ZFAND4: variants seen among roughly 807,000 people sequenced by gnomAD.
ZFAND4 encodes the protein zinc finger AN1-type containing 4, also known as AN1-type zinc finger protein 4.
Under a neutral mutation model 64.4 loss-of-function variants are expected in ZFAND4, and 43 were observed. That is an observed-to-expected ratio of 0.67 (90% CI 0.52 to 0.86). The LOEUF is 0.86. Ranked by LOEUF, ZFAND4 falls within the 40% of genes least tolerant of loss-of-function variation. The pLI is 0.00. For missense variants in ZFAND4, 929 were observed against 859.8 expected (o/e 1.08, Z -1.01); for synonymous variants, 296 against 305.7 (o/e 0.97, Z 0.33).
At chr10:45,647,134 G>A (rs187840328) in intron 5 of ZFAND4, among the ~76,000 whole-genome samples, 9 of 152,254 alleles carry the variant, frequency 5.9e-5, no homozygotes, top group African/African-American at 9.6e-5. Context: ...GGCAAAGGAC[G>A]TTGCAGATGT....
chr10:45,645,304 G>GTAT lies in ZFAND4; in HGVS notation c.569+2987_569+2989dup, dbSNP rs573074772. Among the ~76,000 whole-genome samples, 4 of 152,232 alleles carry GTAT rather than the reference G, an allele frequency of 2.6e-5. No individual in the cohort carries two copies. The South Asian group carries it at 8.3e-4, about 32-fold the overall frequency. Reference sequence around the variant, plus strand: ...TCTTTAAAGTCTACAGTTATTCATTGTATTATTCATCAGCAGGTATTTCAT... The same window carrying GTAT: ...TCTTTAAAGTCTACAGTTATTCATTGTATTATTATTCATCAGCAGGTATTTCAT... On this transcript the variant is annotated intron_variant, in intron 5 of 9. Transcript: ENST00000344646.
intron 7 of ZFAND4, among the ~76,000 whole-genome samples, chr10:45,625,104 G>A (rs1293424290): frequency 3.3e-5 from 5 of 151,522 alleles, no homozygotes; most frequent in African/African-American, 1.2e-4. Flanking sequence ...TTGAGCCCTG[G>A]AGGTCAAGGC....
intron 6 of ZFAND4, among the ~76,000 whole-genome samples, chr10:45,637,016 A>G (rs1208203292): frequency 2.6e-5 from 4 of 152,012 alleles, no homozygotes; most frequent in Non-Finnish European, 5.9e-5. Flanking sequence ...AAAAAAAAAA[A>G]AAAAGATCTT....
intron 1 of ZFAND4, among the ~76,000 whole-genome samples, chr10:45,669,782 CAT>C (rs1043752278): frequency 2.6e-5 from 4 of 152,210 alleles, no homozygotes; most frequent in Non-Finnish European, 5.9e-5. Flanking sequence ...ACAAAAACCA[CAT>C]GATTATCTTA....
intron 8 of ZFAND4, among the ~76,000 whole-genome samples, chr10:45,624,069 GT>G (rs2045622783): frequency 6.6e-6 from 1 of 152,164 alleles, no homozygotes; most frequent in African/African-American, 2.4e-5. Context: ...TCTTTAATGT[GT>G]TACCATACTG....
chr10:45,631,889 TATC>T (rs145891472), intron 6 of ZFAND4, among the ~76,000 whole-genome samples: 9,074 of 152,194 alleles, frequency 0.06, 387 homozygotes, highest in African/African-American at 0.12. Context: ...CTACAATTAA[TATC>T]ATACATAATG....
chr10:45,633,537 GA>G (rs2046361181), intron 6 of ZFAND4, among the ~76,000 whole-genome samples: 1 of 149,736 alleles, frequency 6.7e-6, no homozygotes, highest in African/African-American at 2.5e-5. Context: ...CTAAAAACAA[GA>G]AAAGAAAAGA....
Position 45,663,620 on chromosome 10 carries a change from T to C in ZFAND4, c.106A>G (p.Thr36Ala), listed in dbSNP as rs779486174. ...ACTCTCAGCTCAAAACATGTTCCAG[T>C]TAATGTTTCAATGAAGAGCTCCATG... ...DTMELFIETLTGTCFELRVSP... is the reference protein window; with the variant it reads ...DTMELFIETLAGTCFELRVSP... Residue 36 changes from threonine (T) to alanine (A), a missense_variant, in exon 2 of 10, where the codon ACT becomes GCT. Physicochemically the swap from Thr to Ala is moderately conservative, Grantham distance 58. Transcript: ENST00000344646. 22 of 1,611,302 alleles carry C rather than the reference T, an allele frequency of 1.4e-5. 1 individual carries two copies. The highest frequency in any genetic ancestry group is 3.3e-4 in the Middle Eastern group (2 of 6,028).
chr10:45,617,932 C>T (rs915540449), intron 9 of ZFAND4: 7 of 398,096 alleles, frequency 1.8e-5, no homozygotes, highest in South Asian at 7.1e-5. Context: ...ACTTAAAGGA[C>T]AAGGAAGGAT....
chr10:45,641,097 C>G (rs1166349933), intron 5 of ZFAND4, among the ~76,000 whole-genome samples: 6 of 152,174 alleles, frequency 3.9e-5, no homozygotes, highest in Admixed American at 3.9e-4. Context: ...AAGTTGAAAG[C>G]AGACATTAGA....
chr10:45,625,194 C>T (rs1193685122), intron 7 of ZFAND4, among the ~76,000 whole-genome samples: 7 of 149,332 alleles, frequency 4.7e-5, no homozygotes, highest in Non-Finnish European at 7.4e-5. Context: ...AAAAAAAGGC[C>T]GGGCGCAATG....
chr10:45,626,698 T>C lies in ZFAND4; in HGVS notation c.1125A>G (p.Pro375=), dbSNP rs752701436. The change falls in exon 7 of 10, where the codon CCA becomes CCG. Residue 375 remains proline, a synonymous_variant. Transcript: ENST00000344646. ...GTAAGACAATGTTCCCATTACTAGA[T>C]GGCAAGTTTCCTAAAAAATGTTTTG... The part of the protein sequence containing the change: ...RQTKHFLGNL[P]SSNGNIVLPS... 1.8e-5 allele frequency: 29 copies of C among 1,614,118 alleles called. No homozygotes were observed. Among genetic ancestry groups the C allele is most frequent in the Non-Finnish European group, 2.4e-5 (28 of 1,180,034 alleles).
At chr10:45,643,486 C>T (rs1302727316) in intron 5 of ZFAND4, among the ~76,000 whole-genome samples, 3 of 151,176 alleles carry the variant, frequency 2.0e-5, no homozygotes, top group African/African-American at 4.8e-5. Context: ...CTGGCTAACA[C>T]GGTGAAACCC....
At chr10:45,616,861 G>A (rs758333035) in intron 9 of ZFAND4, among the ~76,000 whole-genome samples, 4 of 152,102 alleles carry the variant, frequency 2.6e-5, no homozygotes, top group African/African-American at 4.8e-5. Flanking sequence ...TTGGGAAGCC[G>A]AGGCGGGTGG....
chr10:45,664,791 C>A (rs527409878), intron 1 of ZFAND4, among the ~76,000 whole-genome samples: 1 of 151,710 alleles, frequency 6.6e-6, no homozygotes, highest in Admixed American at 6.6e-5. Context: ...ATGAGCTGGG[C>A]GTGGCGGTGT....
intron 4 of ZFAND4, chr10:45,651,626 C>T (rs2047765384): frequency 2.1e-6 from 1 of 479,032 alleles, no homozygotes; most frequent in Non-Finnish European, 4.3e-6. Flanking sequence ...ATTTGAAGAT[C>T]TGGTAGATTT....
At chr10:45,640,634 G>C (rs1290675411) in intron 5 of ZFAND4, among the ~76,000 whole-genome samples, 1 of 152,124 alleles carries the variant, frequency 6.6e-6, no homozygotes, top group Non-Finnish European at 1.5e-5. Context: ...GGGACTACAG[G>C]TGTGTGCCAC....
intron 5 of ZFAND4, among the ~76,000 whole-genome samples, chr10:45,646,892 T>C (rs547391947): frequency 7.2e-5 from 11 of 152,322 alleles, no homozygotes; most frequent in African/African-American, 2.6e-4. Context: ...AAGTTTGAAG[T>C]GCTAACCAGA....
intron 6 of ZFAND4, 112 bp downstream of exon 6, chr10:45,639,703 AC>A: frequency 7.5e-7 from 1 of 1,331,892 alleles, no homozygotes; most frequent in Non-Finnish European, 9.9e-7. Flanking sequence ...GAGGCCAGAA[AC>A]CTGAAATGAA....
Sources: gnomAD v4.1 joint callset for allele counts (sites outside exome capture counted in the v4.1 genomes callset) on GRCh38, gnomAD v4.1.1 for gene constraint, MANE v1.5 for transcripts, NCBI Gene and HGNC (gene_info 2026-07-23, HGNC 2026-07-21) for gene names.